CNTN5: variants seen among roughly 807,000 people sequenced by gnomAD.
CNTN5 encodes contactin-5.
Under a neutral mutation model 129.1 loss-of-function variants are expected in CNTN5, and 77 were observed. The ratio of observed to expected loss-of-function variants is 0.60; its 90% confidence interval spans 0.50 to 0.72. The LOEUF is 0.72. CNTN5 is among the 30% of genes least tolerant of loss of function. The probability of loss-of-function intolerance (pLI) is 0.00; values close to 1 mark genes in which losing one functional copy is unlikely to be tolerated. For synonymous variants in CNTN5, 509 were observed against 465.6 expected, an observed-to-expected ratio of 1.09 and a Z score of -1.20; for missense variants, 1,478 against 1,328.8, an observed-to-expected ratio of 1.11 and a Z score of -1.75.
At chr11:99,180,940 A>G (rs1346826480) in intron 1 of CNTN5, among the ~76,000 whole-genome samples, 3 of 152,342 alleles carry the variant, frequency 2.0e-5, no homozygotes, top group South Asian at 4.1e-4. Context: ...ATGCCATTCG[A>G]TTTTGCAACA....
chr11:99,039,359 A>G (rs1030414027), intron 1 of CNTN5, among the ~76,000 whole-genome samples: 15 of 152,106 alleles, frequency 9.9e-5, no homozygotes, highest in Admixed American at 6.6e-4. Context: ...CTTCAGACCA[A>G]TCCCTTCTCC....
chr11:99,221,212 T>G (rs1228475279), intron 1 of CNTN5, among the ~76,000 whole-genome samples: 1 of 151,948 alleles, frequency 6.6e-6, no homozygotes, highest in Non-Finnish European at 1.5e-5. Context: ...TATGAATCAC[T>G]CTATATTTTT....
chr11:100,009,846 G>C (rs924073232), intron 9 of CNTN5, among the ~76,000 whole-genome samples: 5 of 152,134 alleles, frequency 3.3e-5, no homozygotes, highest in African/African-American at 1.2e-4. Context: ...TTCTCAGGCT[G>C]AATATTAAGA....
chr11:100,142,498 A>G (rs1434037365), intron 13 of CNTN5, among the ~76,000 whole-genome samples: 1 of 152,180 alleles, frequency 6.6e-6, no homozygotes, highest in African/African-American at 2.4e-5. Context: ...ATATGAAACT[A>G]CAAATAGAAA....
At chr11:99,462,360 C>CTTTTTTTTTTTTTTT (rs72276833) in intron 2 of CNTN5, among the ~76,000 whole-genome samples, 9 of 125,284 alleles carry the variant, frequency 7.2e-5, no homozygotes, top group Non-Finnish European at 1.3e-4. Context: ...CTTTTCTTTT[C>CTTTTTTTTTTTTTTT]TTTTTTTTTT....
At chr11:99,788,538 C>T (rs1031904552) in intron 3 of CNTN5, among the ~76,000 whole-genome samples, 4 of 151,888 alleles carry the variant, frequency 2.6e-5, no homozygotes, top group South Asian at 2.1e-4. Context: ...TTTTAGATTT[C>T]TGTTTTGTTC....
intron 6 of CNTN5, among the ~76,000 whole-genome samples, chr11:99,895,180 G>C (rs546891735): frequency 6.6e-6 from 1 of 152,286 alleles, no homozygotes; most frequent in African/African-American, 2.4e-5. Context: ...GTCAGTACTA[G>C]GCATCCAAGA....
chr11:99,541,085 C>T (rs1382050470), intron 2 of CNTN5, among the ~76,000 whole-genome samples: 1 of 152,148 alleles, frequency 6.6e-6, no homozygotes, highest in Non-Finnish European at 1.5e-5. Context: ...TGCTGCCCAA[C>T]CCTATATGAA....
At chr11:99,157,516 G>T (rs529193809) in intron 1 of CNTN5, among the ~76,000 whole-genome samples, 84 of 152,116 alleles carry the variant, frequency 5.5e-4, no homozygotes, top group Non-Finnish European at 1.0e-3. Flanking sequence ...ATATCAAGTT[G>T]TATATAAATA....
intron 2 of CNTN5, among the ~76,000 whole-genome samples, chr11:99,554,214 T>A (rs1358124690): frequency 7.2e-5 from 11 of 152,138 alleles, no homozygotes; most frequent in African/African-American, 2.7e-4. Context: ...CGGTCACAGG[T>A]TGTCCCTTTA....
intron 6 of CNTN5, among the ~76,000 whole-genome samples, chr11:99,912,197 A>G (rs1381370236): frequency 6.6e-6 from 1 of 151,962 alleles, no homozygotes; most frequent in Non-Finnish European, 1.5e-5. Context: ...GGAAGAAAAA[A>G]GGAAGGAAAT....
At chr11:99,586,411 G>C (rs72997205) in intron 3 of CNTN5, among the ~76,000 whole-genome samples, 9,838 of 152,172 alleles carry the variant, frequency 0.065, 375 homozygotes, top group Non-Finnish European at 0.076. Context: ...AATAAAAAAT[G>C]CTCTAATTAA....
intron 3 of CNTN5, among the ~76,000 whole-genome samples, chr11:99,641,139 C>T (rs911133002): frequency 3.3e-5 from 5 of 152,118 alleles, no homozygotes; most frequent in East Asian, 1.9e-4. Context: ...AGAGCTTGAT[C>T]GGATAATCTT....
intron 3 of CNTN5, among the ~76,000 whole-genome samples, chr11:99,810,526 A>G (rs1946397989): frequency 6.6e-6 from 1 of 152,128 alleles, no homozygotes; most frequent in South Asian, 2.1e-4. Context: ...TACACATAAT[A>G]CATTTCTTGG....
chr11:100,354,301 A>G (rs1047133890), intron 24 of CNTN5, among the ~76,000 whole-genome samples: 4 of 151,688 alleles, frequency 2.6e-5, no homozygotes, highest in Admixed American at 2.0e-4. Context: ...TGATGTTAGT[A>G]TCTAAAAGTC....
At chr11:99,061,944 G>C (rs1864897671) in intron 1 of CNTN5, among the ~76,000 whole-genome samples, 1 of 151,550 alleles carries the variant, frequency 6.6e-6, no homozygotes, top group Non-Finnish European at 1.5e-5. Context: ...GTGAGCTACG[G>C]TTGCACTACC....
At chr11:99,185,789 T>A (rs1380844606) in intron 1 of CNTN5, among the ~76,000 whole-genome samples, 3 of 150,900 alleles carry the variant, frequency 2.0e-5, no homozygotes, top group Non-Finnish European at 4.4e-5. Context: ...GTTATCACAA[T>A]TTTAAAATAA....
chr11:99,690,215 G>A (rs564485979), intron 3 of CNTN5, among the ~76,000 whole-genome samples: 22 of 151,976 alleles, frequency 1.4e-4, no homozygotes, highest in Non-Finnish European at 2.8e-4. Flanking sequence ...TTTTTGCCTG[G>A]TTCATCAAAG....
rs549588609 is a variant in CNTN5 at position 99,735,132 on chromosome 11, G to C, written c.56-84412G>C. On this transcript the variant is annotated intron_variant, in intron 3 of 24. Coordinates refer to ENST00000524871, the MANE Select transcript of CNTN5 (RefSeq NM_014361.4). ...TATTATTCGTACCTACTATGTACTA[G>C]GCATTGTTGTAAGATCCTGTCCTTA... 3.3e-5 allele frequency among the ~76,000 whole-genome samples: 5 copies of C among 152,252 alleles called. No homozygotes were observed. The South Asian group carries it at 1.0e-3, about 32-fold the overall frequency.
Sources: allele counts gnomAD v4.1 joint callset (sites outside exome capture counted in the v4.1 genomes callset), GRCh38; gene constraint gnomAD v4.1.1; transcripts MANE v1.5; gene names NCBI Gene and HGNC (gene_info 2026-07-23, HGNC 2026-07-21).